The following KIF2A variants were observed in gnomAD, a reference collection of about 807,000 sequenced individuals.
KIF2A encodes kinesin family member 2A.
Under a neutral mutation model 100.2 loss-of-function variants are expected in KIF2A, and 22 were observed. The observed-to-expected ratio is 0.22, with a 90% CI of 0.16 to 0.31. The LOEUF is 0.31. Among genes scored for constraint, KIF2A ranks in the 10% least tolerant of loss-of-function variants. KIF2A has a pLI of 1.00. For synonymous variants in KIF2A, 268 were observed against 285.9 expected (o/e 0.94, Z 0.63); for missense variants, 495 against 898.7 (o/e 0.55, Z 5.74).
chr5:62,316,638 C>A (rs890823797), intron 1 of KIF2A, among the ~76,000 whole-genome samples: 3 of 152,144 alleles, frequency 2.0e-5, no homozygotes, highest in African/African-American at 7.2e-5. Flanking sequence ...AGAGTCAACC[C>A]TAATGTAAAC....
chr5:62,357,839 T>C (rs369031984), intron 8 of KIF2A, 94 bp downstream of exon 8: 1 of 821,134 alleles, frequency 1.2e-6, no homozygotes. Flanking sequence ...GGAAAAAATG[T>C]AAATCATTTC....
In KIF2A at chr5:62,390,667, C is replaced by G. The variant is rs1487113182; in HGVS notation, c.*5098C>G. ...AGGCAATCTTCTGGCTCGGACTGTT[C>G]TTTACTACTGTTCTTAAAGAAAATG... is the stretch of plus-strand genomic sequence containing the variant. On this transcript the variant is annotated 3_prime_UTR_variant, in exon 21 of 21. Transcript: ENST00000407818. 6.6e-6 allele frequency among the ~76,000 whole-genome samples: 1 copy of G among 152,132 alleles called. No homozygotes were observed. Among genetic ancestry groups the G allele is most frequent in the Non-Finnish European group, 1.5e-5 (1 of 68,034 alleles).
chr5:62,352,585 C>G lies in KIF2A; in HGVS notation c.335-3C>G. The G allele has an allele frequency of 6.6e-7, 1 of 1,517,754 alleles. No homozygotes were observed. Among genetic ancestry groups the G allele is most frequent in the Non-Finnish European group, 8.8e-7 (1 of 1,134,712 alleles). 94.0% of individuals were successfully genotyped at this position (1,517,754 alleles called of 1,614,324 possible). A position where few individuals can be genotyped will look rare whatever the true frequency, so the allele number is the denominator to read the frequency against. ...ATTTAAAATTTTTTTTTTTTACTTA[C>G]AGTGGTTGGTTCAGCACGTGCACGG... is the stretch of plus-strand genomic sequence containing the variant. On this transcript the variant is annotated splice_region_variant and splice_polypyrimidine_tract_variant and intron_variant, in intron 4 of 20. Coordinates refer to ENST00000407818, the MANE Select transcript of KIF2A (RefSeq NM_001098511.3).
At chr5:62,310,350 A>G (rs1477894107) in intron 1 of KIF2A, among the ~76,000 whole-genome samples, 1 of 152,130 alleles carries the variant, frequency 6.6e-6, no homozygotes, top group Non-Finnish European at 1.5e-5. Flanking sequence ...CACTGTGCCC[A>G]GCCTCTAATG....
chr5:62,308,337 A>G, intron 1 of KIF2A: 1 of 1,443,140 alleles, frequency 6.9e-7, no homozygotes, highest in Admixed American at 2.4e-5. Flanking sequence ...TATACCAGCA[A>G]AAGTAGGATT....
intron 1 of KIF2A, among the ~76,000 whole-genome samples, chr5:62,315,959 TG>T (rs778711516): frequency 2.0e-5 from 3 of 152,186 alleles, no homozygotes; most frequent in Non-Finnish European, 2.9e-5. Context: ...GCAGATGAGT[TG>T]AAAGGAAAGG....
intron 1 of KIF2A, among the ~76,000 whole-genome samples, chr5:62,325,081 C>CTTTCT (rs1347065482): frequency 6.6e-6 from 1 of 152,092 alleles, no homozygotes; most frequent in African/African-American, 2.4e-5. Context: ...CCAAGTTGTA[C>CTTTCT]TTTCTTTTCT....
chr5:62,315,249 C>CAAAAAAA (rs765995590), intron 1 of KIF2A, among the ~76,000 whole-genome samples: 1 of 66,540 alleles, frequency 1.5e-5, no homozygotes, highest in Non-Finnish European at 2.9e-5. Flanking sequence ...AAAAACAGAC[C>CAAAAAAA]AAAAAAAAAA....
At chr5:62,369,926 C>T (rs920841238) in intron 16 of KIF2A, among the ~76,000 whole-genome samples, 1 of 152,108 alleles carries the variant, frequency 6.6e-6, no homozygotes, top group Non-Finnish European at 1.5e-5. Flanking sequence ...ATCAAAGCCT[C>T]GGGAAAGTTA....
At position 62,366,400 on chromosome 5, in the gene KIF2A, T is replaced by C; in HGVS notation, c.1579-14T>C. 1.9e-6 allele frequency: 3 copies of C among 1,549,426 alleles called. No homozygotes were observed. The highest frequency in any genetic ancestry group is 2.6e-6 in the Non-Finnish European group (3 of 1,137,174). ...TAACATTTTGTTTACCTTTGCATTT[T>C]TTTTTTCCTGTAGATTGCCACAATC... On this transcript the variant is annotated splice_polypyrimidine_tract_variant and intron_variant, in intron 15 of 20. Transcript: ENST00000407818.
In KIF2A at chr5:62,373,710, C is replaced by A; in HGVS notation, c.1784C>A (p.Pro595Gln). The A allele has an allele frequency of 6.2e-7, 1 of 1,613,490 alleles. No homozygotes were observed. Among genetic ancestry groups the A allele is most frequent in the Non-Finnish European group, 8.5e-7 (1 of 1,179,540 alleles). Reference sequence around the variant, plus strand: ...AGGGTCAAAGAATTGACTGTAGATCCAACTGCTGCTGGTGATGTTCGTCCA... The same window carrying A: ...AGGGTCAAAGAATTGACTGTAGATCAAACTGCTGCTGGTGATGTTCGTCCA... ...VTRVKELTVD[P>Q]TAAGDVRPIM... The change falls in exon 18 of 21, where the codon CCA becomes CAA. Residue 595 changes from proline (P) to glutamine (Q), a missense_variant. By Grantham distance (76) the Pro-to-Gln change is moderately conservative. This residue lies in a region of KIF2A where 100 missense variants were observed against 138.2 expected (regional missense o/e 0.72). Coordinates refer to ENST00000407818, the MANE Select transcript of KIF2A (RefSeq NM_001098511.3).
intron 1 of KIF2A, among the ~76,000 whole-genome samples, chr5:62,328,860 C>G (rs1156615759): frequency 1.3e-5 from 2 of 152,138 alleles, no homozygotes; most frequent in African/African-American, 4.8e-5. Context: ...TACGCAAATT[C>G]TGAATGAAAC....
intron 1 of KIF2A, among the ~76,000 whole-genome samples, chr5:62,345,282 G>A (rs1747500773): frequency 6.6e-6 from 1 of 152,030 alleles, no homozygotes; most frequent in Admixed American, 6.6e-5. Context: ...CAGCTACTTG[G>A]GAGGCTGAGG....
rs1180310871 is a variant in KIF2A at position 62,373,846 on chromosome 5, A to G, written c.1911+9A>G. On this transcript the variant is annotated intron_variant, in intron 18 of 20. Coordinates refer to ENST00000407818, the MANE Select transcript of KIF2A (RefSeq NM_001098511.3). Reference sequence around the variant, plus strand: ...TTCTTTGTGAACAAAATGTGAGTGTACTATGGTTGTAAATGTTATAATCTT... The same window carrying G: ...TTCTTTGTGAACAAAATGTGAGTGTGCTATGGTTGTAAATGTTATAATCTT... 21 of 1,593,840 alleles carry G rather than the reference A, an allele frequency of 1.3e-5. No individual in the cohort carries two copies. Among genetic ancestry groups the G allele is most frequent in the African/African-American group, 6.7e-5 (5 of 74,496 alleles).
At position 62,337,617 on chromosome 5, in the gene KIF2A, GAGACCAGAAGTTAA is replaced by G. The variant is rs1466011055; in HGVS notation, c.65-9505_65-9492del. ...GGAGGCTGATGCAGGGGAATTGCTT[GAGACCAGAAGTTAA>G]AGACCAGCGTGGTCAACATAGCGAA... On this transcript the variant is annotated intron_variant, in intron 1 of 20. Coordinates refer to ENST00000407818, the MANE Select transcript of KIF2A (RefSeq NM_001098511.3). Among the ~76,000 whole-genome samples the G allele has an allele frequency of 8.5e-5, 13 of 152,244 alleles. No homozygotes were observed. The East Asian group carries it at 2.1e-3, about 25-fold the overall frequency.
chr5:62,361,009 A>G (rs925384037), intron 9 of KIF2A, among the ~76,000 whole-genome samples: 3 of 152,110 alleles, frequency 2.0e-5, no homozygotes, highest in African/African-American at 7.2e-5. Flanking sequence ...ATTATTTATT[A>G]TGGAAATATT....
At position 62,390,829 on chromosome 5, in the gene KIF2A, T is replaced by C; in HGVS notation, c.*5260T>C. The C allele has an allele frequency of 6.7e-7, 1 of 1,484,234 alleles. No individual in the cohort carries two copies. Among genetic ancestry groups the C allele is most frequent in the Non-Finnish European group, 9.4e-7 (1 of 1,063,402 alleles). The allele number at this position is 1,484,234 out of a possible 1,614,324, so 91.9% of individuals were successfully genotyped here. A position where few individuals can be genotyped will look rare whatever the true frequency, so the allele number is the denominator to read the frequency against. On this transcript the variant is annotated 3_prime_UTR_variant, in exon 21 of 21. Coordinates refer to ENST00000407818, the MANE Select transcript of KIF2A (RefSeq NM_001098511.3). ...CTTTAAAATCTCCAATCTGAAGGTGTCACAGTAAAGAAATGTAAACACTTA... is the reference window on the plus strand; with the variant it reads ...CTTTAAAATCTCCAATCTGAAGGTGCCACAGTAAAGAAATGTAAACACTTA...
rs1741991254 is a variant in KIF2A at position 62,385,629 on chromosome 5, A to AGCTGC, written c.*64_*65insCGCTG. The AGCTGC allele has an allele frequency of 2.5e-6, 3 of 1,178,684 alleles. No individual in the cohort carries two copies. Among genetic ancestry groups the AGCTGC allele is most frequent in the Non-Finnish European group, 3.7e-6 (3 of 811,468 alleles). The allele number at this position is 1,178,684 out of a possible 1,614,324, so 73.0% of individuals were successfully genotyped here. A position where few individuals can be genotyped will look rare whatever the true frequency, so the allele number is the denominator to read the frequency against. ...TCACTACTGTAACATACAACGGTTCAGCTGTAAGGGCCATTTGAAAGTTTG... is the reference window on the plus strand; with the variant it reads ...TCACTACTGTAACATACAACGGTTCAGCTGCGCTGTAAGGGCCATTTGAAAGTTTG... On this transcript the variant is annotated 3_prime_UTR_variant, in exon 21 of 21. Transcript: ENST00000407818.
chr5:62,326,054 T>C (rs1452422272), intron 1 of KIF2A, among the ~76,000 whole-genome samples: 1 of 152,138 alleles, frequency 6.6e-6, no homozygotes, highest in African/African-American at 2.4e-5. Flanking sequence ...GGATCATTTG[T>C]ATACCAAACC....
Sources: gnomAD v4.1 joint callset for allele counts (sites outside exome capture counted in the v4.1 genomes callset) on GRCh38, gnomAD v4.1.1 for gene constraint, gnomAD v4.1.1 regional missense constraint, MANE v1.5 for transcripts, NCBI Gene and HGNC (gene_info 2026-07-23, HGNC 2026-07-21) for gene names.